EPS8L3: variants seen among roughly 807,000 people sequenced by gnomAD.
EPS8L3 encodes EPS8 signaling adaptor L3, also known as epidermal growth factor receptor kinase substrate 8-like protein 3.
EPS8L3 carries 80 observed loss-of-function variants against 88.5 expected under a neutral mutation model. The ratio of observed to expected loss-of-function variants is 0.90; its 90% CI spans 0.75 to 1.09. The LOEUF (loss-of-function observed/expected upper bound fraction) is 1.09. Among genes scored for constraint, EPS8L3 ranks in the 50% least tolerant of loss-of-function variants. The pLI is 0.00. For synonymous variants in EPS8L3, 286 were observed against 291.0 expected (o/e 0.98, Z 0.18); for missense variants, 721 against 735.2 (o/e 0.98, Z 0.22).
rs1376499314 is a variant in EPS8L3 at position 109,757,877 on chromosome 1, C to A, written c.833-14G>T. 1.2e-6 allele frequency: 2 copies of A among 1,614,068 alleles called. No individual in the cohort carries two copies. The highest frequency in any genetic ancestry group is 1.7e-5 in the Admixed American group (1 of 60,022). ...CCTGGGTGAGACCTGGGAGAAGGGG[C>A]CAAGACGGTGGGCCAGAGATCACCC... On this transcript the variant is annotated splice_polypyrimidine_tract_variant and intron_variant, in intron 9 of 18. Coordinates refer to ENST00000361965, the MANE Select transcript of EPS8L3 (RefSeq NM_133181.4).
intron 2 of EPS8L3, 59 bp from the exon 3 acceptor site, chr1:109,761,618 C>T: frequency 6.2e-7 from 1 of 1,608,488 alleles, no homozygotes; most frequent in Non-Finnish European, 8.5e-7. Flanking sequence ...GAGACTCAGG[C>T]AACTGCTGGG....
chr1:109,750,701 G>A lies in EPS8L3; in HGVS notation c.1729C>T (p.Arg577Ter), dbSNP rs147585592. ...ACAGCCTCCAGCCGGGACAGGATTC[G>A]TGGGGCCTCCTGTGGACATAGCATC... Reference protein sequence around the residue: ...LQMLCPQEAPRILSRLEAVRR... With the variant: ...LQMLCPQEAP The change falls in exon 18 of 19, where the codon CGA (arginine) becomes TGA (stop). Residue 577 changes from arginine to a stop codon, truncating the protein, a stop_gained. Coordinates refer to ENST00000361965, the MANE Select transcript of EPS8L3 (RefSeq NM_133181.4). LOFTEE classifies it high-confidence loss of function. 72 of 1,614,066 alleles carry A rather than the reference G, an allele frequency of 4.5e-5. No homozygotes were observed. The highest frequency in any genetic ancestry group is 8.0e-5 in the African/African-American group (6 of 74,916).
In EPS8L3 at chr1:109,761,732, G is replaced by A; in HGVS notation, c.18C>T (p.Ser6=). 1 of 1,614,016 alleles carries A rather than the reference G, an allele frequency of 6.2e-7. No homozygotes were observed. The highest frequency in any genetic ancestry group is 1.1e-5 in the South Asian group (1 of 91,080). Residue 6 remains serine, a synonymous_variant, in exon 2 of 19, where the codon AGC becomes AGT. Transcript: ENST00000361965. ...CCAGGAGCTTACAGTAAATGGCTCTGCTGCTGGGCCTTGACATGTTGACGC... is the reference window on the plus strand; with the variant it reads ...CCAGGAGCTTACAGTAAATGGCTCTACTGCTGGGCCTTGACATGTTGACGC... MSRPS[S]RAIYLHRKEY...
intron 12 of EPS8L3, 67 bp from the exon 13 acceptor site, chr1:109,753,265 G>T (rs903131050): frequency 7.5e-7 from 1 of 1,334,662 alleles, no homozygotes; most frequent in Non-Finnish European, 1.0e-6. Flanking sequence ...TGTGGGACGC[G>T]GACAGGGAGG....
Position 109,761,511 on chromosome 1 carries a change from A to T in EPS8L3, c.80T>A (p.Leu27Gln). The change falls in exon 3 of 19, where the codon CTG becomes CAG. Residue 27 changes from leucine (L) to glutamine (Q), a missense_variant. Transcript: ENST00000361965. ...GGTACTCACCTCCACCCTGTGCTGC[A>T]GGAGGGTGGGCTCTGAGGTGAGGTT... ...SQNLTSEPTL[L>Q]QHRVEHLMTC... 6.2e-7 allele frequency: 1 copy of T among 1,613,104 alleles called. No individual in the cohort carries two copies. Among genetic ancestry groups the T allele is most frequent in the South Asian group, 1.1e-5 (1 of 91,004 alleles).
In EPS8L3 at chr1:109,758,810, C is replaced by G. The variant is rs1010073086; in HGVS notation, c.462-147G>C. 2.3e-5 allele frequency: 25 copies of G among 1,075,534 alleles called. No homozygotes were observed. The Admixed American group carries it at 3.2e-4, about 14-fold the overall frequency. 66.6% of individuals were successfully genotyped at this position (1,075,534 alleles called of 1,614,324 possible). On this transcript the variant is annotated intron_variant, in intron 6 of 18. Coordinates refer to ENST00000361965, the MANE Select transcript of EPS8L3 (RefSeq NM_133181.4). ...TCCCTGGTCTCCTTCTGGACCCACC[C>G]CTGACTCCACCCTGCCTCATCTGCC...
At chr1:109,761,434 T>C in intron 3 of EPS8L3, 61 bp downstream of exon 3, 1 of 1,454,498 alleles carries the variant, frequency 6.9e-7, no homozygotes, top group Non-Finnish European at 9.5e-7. Flanking sequence ...GGCAGGGCGG[T>C]GGGCACATGG....
intron 17 of EPS8L3, 78 bp downstream of exon 17, chr1:109,751,200 T>A: frequency 2.3e-6 from 3 of 1,290,678 alleles, no homozygotes; most frequent in Non-Finnish European, 2.2e-6. Context: ...CCAGGTTGTA[T>A]GTTCTGGGTC....
At chr1:109,762,329 C>T (rs547780112) in intron 1 of EPS8L3, among the ~76,000 whole-genome samples, 189 of 152,100 alleles carry the variant, frequency 1.2e-3, no homozygotes, top group Non-Finnish European at 2.4e-3. Flanking sequence ...AGTGAGCTGA[C>T]CTCCCCCAAG....
Position 109,757,928 on chromosome 1 carries a change from G to A in EPS8L3, c.832+16C>T. On this transcript the variant is annotated intron_variant, in intron 9 of 18. Transcript: ENST00000361965. Reference sequence around the variant, plus strand: ...TGAGACACCCCTACTCCTCTTCCCTGGCCCTCAGTACTCACCTCCCTGGTC... The same window carrying A: ...TGAGACACCCCTACTCCTCTTCCCTAGCCCTCAGTACTCACCTCCCTGGTC... The A allele has an allele frequency of 6.2e-7, 1 of 1,613,564 alleles. No homozygotes were observed. Among genetic ancestry groups the A allele is most frequent in the South Asian group, 1.1e-5 (1 of 91,072 alleles).
intron 12 of EPS8L3, among the ~76,000 whole-genome samples, chr1:109,754,510 A>C (rs1364084875): frequency 1.3e-5 from 2 of 152,236 alleles, no homozygotes; most frequent in South Asian, 4.1e-4. Flanking sequence ...ATCTAAGGGC[A>C]CATCTGACAA....
rs912218012 is a variant in EPS8L3, at chr1:109,759,829, A to G, written c.104T>C (p.Met35Thr). Residue 35 changes from methionine (M) to threonine (T), a missense_variant, in exon 4 of 19, where the codon ATG (methionine) becomes ACG (threonine). Physicochemically the swap from Met to Thr is moderately conservative, Grantham distance 81. Coordinates refer to ENST00000361965, the MANE Select transcript of EPS8L3 (RefSeq NM_133181.4). The surrounding 1 kb of genome is among the most constrained non-coding windows in gnomAD (Gnocchi z 4.2). The stretch of plus-strand genomic sequence containing the variant: ...TCTCTGACTCCCCTGCTTGCATGTC[A>G]TCAAGTGCTGCAGGGAGAGGGGGAG... ...TLLQHRVEHL[M>T]TCKQGSQRVQ... 6.8e-6 allele frequency: 11 copies of G among 1,613,712 alleles called. No individual in the cohort carries two copies. Among genetic ancestry groups the G allele is most frequent in the African/African-American group, 2.7e-5 (2 of 74,926 alleles).
In EPS8L3 at chr1:109,761,478, G is replaced by C; in HGVS notation, c.96+17C>G. On this transcript the variant is annotated intron_variant, in intron 3 of 18. Coordinates refer to ENST00000361965, the MANE Select transcript of EPS8L3 (RefSeq NM_133181.4). ...GGGTTTAGTTGGACACTGCCCGGGG[G>C]CTGCAGAGGTACTCACCTCCACCCT... is the stretch of plus-strand genomic sequence containing the variant. The C allele has an allele frequency of 6.2e-7, 1 of 1,603,424 alleles. No homozygotes were observed. Among genetic ancestry groups the C allele is most frequent in the Non-Finnish European group, 8.5e-7 (1 of 1,172,244 alleles).
At position 109,757,096 on chromosome 1, in the gene EPS8L3, TA is replaced by T; in HGVS notation, c.1038del (p.Ile347SerfsTer8). 6.2e-7 allele frequency: 1 copy of T among 1,614,098 alleles called. No homozygotes were observed. Among genetic ancestry groups the T allele is most frequent in the Non-Finnish European group, 8.5e-7 (1 of 1,179,976 alleles). ...CTTAGACAGGACTGTAGCAGGTTGA[TA>T]GCTTTAGGGGTGAGGAGGGGTGAGA... ...QVISPLLTPKAINLLQSCLSP... is the reference protein window; with the variant it reads ...QVISPLLTPKXINLLQSCLSP... On this transcript the variant is annotated frameshift_variant, in exon 12 of 19. Transcript: ENST00000361965. LOFTEE classifies it high-confidence loss of function.
At chr1:109,761,679 C>T in intron 2 of EPS8L3, 40 bp downstream of exon 2, 2 of 1,613,072 alleles carry the variant, frequency 1.2e-6, no homozygotes, top group Non-Finnish European at 1.7e-6. Context: ...TCTGGGGGCT[C>T]AGTGGGAGGG....
Position 109,750,124 on chromosome 1 carries a change from G to A in EPS8L3, c.*267C>T. The stretch of plus-strand genomic sequence containing the variant: ...TATTGAGAAGGAGAGGGACTGAACA[G>A]ATTCTTGACAAGCCTAGGCATAAAT... On this transcript the variant is annotated 3_prime_UTR_variant, in exon 19 of 19. Coordinates refer to ENST00000361965, the MANE Select transcript of EPS8L3 (RefSeq NM_133181.4). 1 of 559,122 alleles carries A rather than the reference G, an allele frequency of 1.8e-6. No individual in the cohort carries two copies. Among genetic ancestry groups the A allele is most frequent in the Non-Finnish European group, 3.2e-6 (1 of 313,656 alleles). The allele number at this position is 559,122 out of a possible 1,614,324, so 34.6% of individuals were successfully genotyped here.
In EPS8L3 at chr1:109,751,982, G is replaced by T. The variant is rs1192143586; in HGVS notation, c.1434+13C>A. Reference sequence around the variant, plus strand: ...CCACCACCTCCTTTTCTAGCCTATGGCCCAAGCCTCACCTCCAGCTTCTCT... The same window carrying T: ...CCACCACCTCCTTTTCTAGCCTATGTCCCAAGCCTCACCTCCAGCTTCTCT... On this transcript the variant is annotated intron_variant, in intron 15 of 18. Coordinates refer to ENST00000361965, the MANE Select transcript of EPS8L3 (RefSeq NM_133181.4). 1.3e-6 allele frequency: 2 copies of T among 1,593,260 alleles called. No homozygotes were observed. The highest frequency in any genetic ancestry group is 8.6e-7 in the Non-Finnish European group (1 of 1,168,952).
chr1:109,759,120 G>A lies in EPS8L3; in HGVS notation c.406-3C>T. On this transcript the variant is annotated splice_region_variant and splice_polypyrimidine_tract_variant and intron_variant, in intron 5 of 18. Coordinates refer to ENST00000361965, the MANE Select transcript of EPS8L3 (RefSeq NM_133181.4). The surrounding 1 kb of genome is among the most constrained non-coding windows in gnomAD (Gnocchi z 4.2). ...AGGCTGGTCTTCAGTCGCTCTGCCT[G>A]GGAAGCAGCAGTCAGGCAGGCTAAG... 2 of 1,612,126 alleles carry A rather than the reference G, an allele frequency of 1.2e-6. No individual in the cohort carries two copies. Among genetic ancestry groups the A allele is most frequent in the Non-Finnish European group, 1.7e-6 (2 of 1,179,734 alleles).
chr1:109,759,991 C>G lies in EPS8L3; in HGVS notation c.97-155G>C. On this transcript the variant is annotated intron_variant, in intron 3 of 18. Coordinates refer to ENST00000361965, the MANE Select transcript of EPS8L3 (RefSeq NM_133181.4). The surrounding 1 kb of genome is among the most constrained non-coding windows in gnomAD (Gnocchi z 4.2). ...CTTCAGATAAAGCAACTTTCCAGGG[C>G]CAATGTGAGGGACGGTGTCGAAGCA... The G allele has an allele frequency of 1.4e-6, 1 of 730,920 alleles. No homozygotes were observed. The highest frequency in any genetic ancestry group is 2.2e-6 in the Non-Finnish European group (1 of 455,720). 45.3% of individuals were successfully genotyped at this position (730,920 alleles called of 1,614,324 possible). A position where few individuals can be genotyped will look rare whatever the true frequency, so the allele number is the denominator to read the frequency against.
Sources: allele counts gnomAD v4.1 joint callset (sites outside exome capture counted in the v4.1 genomes callset), GRCh38; gene constraint gnomAD v4.1.1; non-coding constraint Gnocchi (gnomAD v3.1); transcripts MANE v1.5; gene names NCBI Gene and HGNC (gene_info 2026-07-23, HGNC 2026-07-21).